Variants in ZNF280D observed in about 807,000 individuals in gnomAD.
ZNF280D encodes suppressor of hairy wing homolog 4.
Under a neutral mutation model 94.7 loss-of-function variants are expected in ZNF280D, and 39 were observed. That is an observed-to-expected ratio of 0.41 (90% CI 0.32 to 0.54). The LOEUF is 0.54. Among genes scored for constraint, ZNF280D ranks in the 20% least tolerant of loss-of-function variants. The pLI is 0.22. For synonymous variants in ZNF280D, 398 were observed against 377.6 expected (o/e 1.05, Z -0.63); for missense variants, 1,090 against 1,149.3 (o/e 0.95, Z 0.75).
chr15:56,673,712 C>T (rs568054214), intron 13 of ZNF280D, among the ~76,000 whole-genome samples: 3 of 152,106 alleles, frequency 2.0e-5, no homozygotes, highest in African/African-American at 7.2e-5. Context: ...TATTATTCTT[C>T]CTCCTATTAA....
chr15:56,700,789 A>C (rs1567003083), intron 6 of ZNF280D, 144 bp downstream of exon 6: 1 of 1,543,308 alleles, frequency 6.5e-7, no homozygotes, highest in Non-Finnish European at 8.8e-7. Context: ...GCTAGCGAAA[A>C]TATGGTGACA....
intron 16 of ZNF280D, among the ~76,000 whole-genome samples, chr15:56,659,576 G>GA (rs528805312): frequency 2.7e-5 from 4 of 150,740 alleles, no homozygotes; most frequent in Non-Finnish European, 4.4e-5. Flanking sequence ...GTATGTATAG[G>GA]AAAAAAAAAG....
At chr15:56,691,447 G>A (rs1240700218) in intron 7 of ZNF280D, among the ~76,000 whole-genome samples, 1 of 152,120 alleles carries the variant, frequency 6.6e-6, no homozygotes, top group African/African-American at 2.4e-5. Context: ...TTATATAGGA[G>A]GCTGGACAGT....
At chr15:56,658,717 A>G in intron 16 of ZNF280D, among the ~76,000 whole-genome samples, 1 of 152,158 alleles carries the variant, frequency 6.6e-6, no homozygotes, top group South Asian at 2.1e-4. Context: ...GATGGTTAGC[A>G]CTGTACCTTA....
At chr15:56,644,625 A>G (rs1392940295) in intron 19 of ZNF280D, among the ~76,000 whole-genome samples, 2 of 152,188 alleles carry the variant, frequency 1.3e-5, no homozygotes, top group African/African-American at 4.8e-5. Context: ...AGTAAGACCT[A>G]TTATATTCTT....
At chr15:56,719,957 G>C (rs1464123589) in intron 1 of ZNF280D, among the ~76,000 whole-genome samples, 1 of 151,762 alleles carries the variant, frequency 6.6e-6, no homozygotes, top group East Asian at 1.9e-4. Context: ...TTTTGCTGGA[G>C]GAAGGTCCTG....
chr15:56,642,820 T>C (rs2140558364), intron 20 of ZNF280D, 132 bp downstream of exon 20: 2 of 509,194 alleles, frequency 3.9e-6, no homozygotes, highest in Non-Finnish European at 6.6e-6. Context: ...TAAATCTCGA[T>C]TTTTTTTCTT....
At chr15:56,720,752 A>G (rs2058311993) in intron 1 of ZNF280D, among the ~76,000 whole-genome samples, 1 of 152,154 alleles carries the variant, frequency 6.6e-6, no homozygotes, top group Non-Finnish European at 1.5e-5. Context: ...GTACACTTCC[A>G]TCAGAGCTCT....
At chr15:56,700,345 T>A in intron 6 of ZNF280D, 2 of 435,214 alleles carry the variant, frequency 4.6e-6, no homozygotes, top group Non-Finnish European at 6.1e-6. Flanking sequence ...AGGATAATAA[T>A]AGTGTTTACT....
intron 13 of ZNF280D, among the ~76,000 whole-genome samples, chr15:56,671,446 A>T (rs12441674): frequency 0.25 from 38,384 of 151,782 alleles, 5,379 homozygotes; most frequent in Admixed American, 0.38. Context: ...CTTTCCCCAT[A>T]GCTTGTTTTT....
intron 20 of ZNF280D, 123 bp downstream of exon 20, chr15:56,642,829 T>C: frequency 1.8e-6 from 1 of 546,800 alleles, no homozygotes; most frequent in Non-Finnish European, 3.0e-6. Flanking sequence ...ATTTTTTTTC[T>C]TCCTCACAAC....
chr15:56,726,508 T>C (rs937573309), intron 1 of ZNF280D, among the ~76,000 whole-genome samples: 1 of 152,192 alleles, frequency 6.6e-6, no homozygotes, highest in Admixed American at 6.5e-5. Flanking sequence ...ACAGAATCCT[T>C]TTATCAATCT....
chr15:56,728,150 AG>A (rs2058719320), intron 1 of ZNF280D, among the ~76,000 whole-genome samples: 1 of 152,046 alleles, frequency 6.6e-6, no homozygotes, highest in Non-Finnish European at 1.5e-5. Context: ...CAGCCTCCCA[AG>A]TACCTGGGAC....
intron 6 of ZNF280D, among the ~76,000 whole-genome samples, chr15:56,697,465 G>A (rs1221798697): frequency 6.6e-6 from 1 of 152,186 alleles, no homozygotes; most frequent in African/African-American, 2.4e-5. Context: ...GACTACAGGC[G>A]TGAGCCACCA....
chr15:56,682,995 G>A (rs1205506164), intron 9 of ZNF280D, among the ~76,000 whole-genome samples: 5 of 151,986 alleles, frequency 3.3e-5, no homozygotes, highest in African/African-American at 9.7e-5. Flanking sequence ...TGTCCCAAAT[G>A]TAAAATTATC....
chr15:56,633,234 C>T (rs2052178353), intron 21 of ZNF280D, among the ~76,000 whole-genome samples: 1 of 152,106 alleles, frequency 6.6e-6, no homozygotes, highest in Non-Finnish European at 1.5e-5. Flanking sequence ...TTATTATTTA[C>T]TAAATTACTA....
At chr15:56,696,987 C>T (rs2056785314) in intron 6 of ZNF280D, among the ~76,000 whole-genome samples, 1 of 152,090 alleles carries the variant, frequency 6.6e-6, no homozygotes, top group Admixed American at 6.5e-5. Flanking sequence ...TATTTTTTTT[C>T]CCCATCCTCG....
At chr15:56,636,032 G>A (rs1046337122) in intron 20 of ZNF280D, among the ~76,000 whole-genome samples, 4 of 151,994 alleles carry the variant, frequency 2.6e-5, no homozygotes, top group African/African-American at 9.7e-5. Flanking sequence ...TAACCACTAT[G>A]GTAGATCGAC....
intron 1 of ZNF280D, among the ~76,000 whole-genome samples, chr15:56,722,234 A>G (rs535951531): frequency 6.6e-6 from 1 of 152,224 alleles, no homozygotes; most frequent in East Asian, 1.9e-4. Context: ...AGAAATCACC[A>G]TAACAAATAT....
Sources: gnomAD v4.1 joint callset for allele counts (sites outside exome capture counted in the v4.1 genomes callset) on GRCh38, gnomAD v4.1.1 for gene constraint, MANE v1.5 for transcripts, NCBI Gene and HGNC (gene_info 2026-07-23, HGNC 2026-07-21) for gene names.